LRRTM3: variants seen among roughly 807,000 people sequenced by gnomAD.
LRRTM3 encodes the protein leucine rich repeat transmembrane neuronal 3.
LRRTM3 carries 24 observed loss-of-function variants against 44.7 expected under a neutral mutation model. The ratio of observed to expected loss-of-function variants is 0.54; its 90% confidence interval spans 0.39 to 0.76. LRRTM3 has a LOEUF of 0.76. Among genes scored for constraint, LRRTM3 ranks in the 30% least tolerant of loss-of-function variants. The probability of loss-of-function intolerance (pLI) is 0.00; values close to 1 mark genes in which losing one functional copy is unlikely to be tolerated. For missense variants in LRRTM3, 587 were observed against 702.2 expected, an observed-to-expected ratio of 0.84 and a Z score of 1.85; for synonymous variants, 277 against 278.7, an observed-to-expected ratio of 0.99 and a Z score of 0.06.
chr10:67,065,162 T>C (rs1321384131), intron 2 of LRRTM3, among the ~76,000 whole-genome samples: 1 of 152,130 alleles, frequency 6.6e-6, no homozygotes, highest in African/African-American at 2.4e-5. Flanking sequence ...ATAAACTGTA[T>C]GTATTTATTT....
At chr10:66,975,470 G>T (rs898126596) in intron 2 of LRRTM3, among the ~76,000 whole-genome samples, 1 of 152,132 alleles carries the variant, frequency 6.6e-6, no homozygotes, top group East Asian at 1.9e-4. Flanking sequence ...AGTTGGAAAG[G>T]TTTCCCTTTC....
Position 67,101,362 on chromosome 10 carries a change from TA to T in LRRTM3, c.*3570del, listed in dbSNP as rs1858327243. ...TCGGAGCTAATTGGGAAGACTTACA[TA>T]AAATTCTTTTTCTTTTTTTCTTTTG... On this transcript the variant is annotated 3_prime_UTR_variant, in exon 3 of 3. Transcript: ENST00000361320. 6.6e-6 allele frequency among the ~76,000 whole-genome samples: 1 copy of T among 151,794 alleles called. No homozygotes were observed. The highest frequency in any genetic ancestry group is 1.5e-5 in the Non-Finnish European group (1 of 67,802).
chr10:67,030,034 ATAAAAT>A (rs1375646161), intron 2 of LRRTM3, among the ~76,000 whole-genome samples: 1 of 152,244 alleles, frequency 6.6e-6, no homozygotes. Flanking sequence ...TGATAGGTAA[ATAAAAT>A]TAATTTTTTT....
intron 2 of LRRTM3, among the ~76,000 whole-genome samples, chr10:67,064,921 CAAG>C (rs1855980383): frequency 6.6e-6 from 1 of 152,060 alleles, no homozygotes; most frequent in Non-Finnish European, 1.5e-5. Context: ...TTATATGAGG[CAAG>C]AAGAACTTTC....
rs1847313037 is a variant in LRRTM3 at position 66,930,452 on chromosome 10, T to C, written c.1536+2000T>C. On this transcript the variant is annotated intron_variant, in intron 2 of 2. Transcript: ENST00000361320. ...GCATCAGTAAATACATATTCCATCT[T>C]AAAAAGAAATTTTCTTTGGCTAGCC... is the stretch of plus-strand genomic sequence containing the variant. Among the ~76,000 whole-genome samples the C allele has an allele frequency of 2.0e-5, 3 of 152,276 alleles. No homozygotes were observed. The South Asian group carries it at 6.2e-4, about 32-fold the overall frequency.
chr10:67,079,445 A>G (rs1005488075), intron 2 of LRRTM3, among the ~76,000 whole-genome samples: 1 of 152,220 alleles, frequency 6.6e-6, no homozygotes, highest in African/African-American at 2.4e-5. Flanking sequence ...GAAAACCCCA[A>G]TAAAGCCAAT....
chr10:67,052,338 C>A (rs1424072693), intron 2 of LRRTM3, among the ~76,000 whole-genome samples: 1 of 151,556 alleles, frequency 6.6e-6, no homozygotes, highest in African/African-American at 2.4e-5. Flanking sequence ...CTCTCTCTCT[C>A]TCTCTCTCTC....
intron 2 of LRRTM3, among the ~76,000 whole-genome samples, chr10:66,943,795 T>G (rs1271927240): frequency 6.6e-6 from 1 of 152,182 alleles, no homozygotes; most frequent in African/African-American, 2.4e-5. Context: ...TTTTTTGGTT[T>G]CCTAGTGAAT....
Position 66,942,505 on chromosome 10 carries a change from G to C in LRRTM3, c.1536+14053G>C, listed in dbSNP as rs576927908. ...TTCATAAACATTACTTGAGGAATTA[G>C]TTCCATTATCCTACAAATCTCTCTT... On this transcript the variant is annotated intron_variant, in intron 2 of 2. Transcript: ENST00000361320. Among the ~76,000 whole-genome samples the C allele has an allele frequency of 7.3e-5, 11 of 151,352 alleles. No individual in the cohort carries two copies. The East Asian group carries it at 9.7e-4, about 13-fold the overall frequency.
Position 67,055,239 on chromosome 10 carries a change from A to G in LRRTM3, c.1537-42348A>G, listed in dbSNP as rs184145717. Among the ~76,000 whole-genome samples, 451 of 152,292 alleles carry G rather than the reference A, an allele frequency of 3.0e-3. 4 individuals are homozygous for G. Among genetic ancestry groups the G allele is most frequent in the Non-Finnish European group, 2.5e-3 (173 of 68,012 alleles). Reference sequence around the variant, plus strand: ...CACATGGAACATAAGTTTGTTTTTTATCCCTTCCATAGGTGTCACCATTAG... The same window carrying G: ...CACATGGAACATAAGTTTGTTTTTTGTCCCTTCCATAGGTGTCACCATTAG... On this transcript the variant is annotated intron_variant, in intron 2 of 2. Transcript: ENST00000361320.
intron 2 of LRRTM3, among the ~76,000 whole-genome samples, chr10:67,055,787 T>C (rs1191592506): frequency 6.6e-6 from 1 of 152,094 alleles, no homozygotes; most frequent in Non-Finnish European, 1.5e-5. Context: ...TTAAAAGCCA[T>C]AAGGATATCA....
At position 67,101,475 on chromosome 10, in the gene LRRTM3, T is replaced by C. The variant is rs948689962; in HGVS notation, c.*3679T>C. On this transcript the variant is annotated 3_prime_UTR_variant, in exon 3 of 3. Transcript: ENST00000361320. ...CCATTTTCTTATAAGAAAAATAAAATATAATTTATCCAAATTGATGTATAG... is the reference window on the plus strand; with the variant it reads ...CCATTTTCTTATAAGAAAAATAAAACATAATTTATCCAAATTGATGTATAG... 2.6e-5 allele frequency among the ~76,000 whole-genome samples: 4 copies of C among 151,734 alleles called. No individual in the cohort carries two copies. Among genetic ancestry groups the C allele is most frequent in the African/African-American group, 7.3e-5 (3 of 41,372 alleles).
chr10:66,955,549 C>T (rs191647712), intron 2 of LRRTM3, among the ~76,000 whole-genome samples: 2 of 152,236 alleles, frequency 1.3e-5, no homozygotes, highest in East Asian at 3.9e-4. Flanking sequence ...ACATTAATTC[C>T]AGTTTTCCTC....
At position 67,043,299 on chromosome 10, in the gene LRRTM3, C is replaced by T. The variant is rs369275425; in HGVS notation, c.1537-54288C>T. 2.0e-5 allele frequency among the ~76,000 whole-genome samples: 3 copies of T among 151,984 alleles called. No individual in the cohort carries two copies. The East Asian group carries it at 5.8e-4, about 29-fold the overall frequency. On this transcript the variant is annotated intron_variant, in intron 2 of 2. Coordinates refer to ENST00000361320, the MANE Select transcript of LRRTM3 (RefSeq NM_178011.5). The stretch of plus-strand genomic sequence containing the variant: ...GAGGGTTCTACATCATTCATATATT[C>T]TCTGATCACTAGAGATTTATTCTCC...
intron 2 of LRRTM3, among the ~76,000 whole-genome samples, chr10:66,973,289 C>A (rs1181080677): frequency 6.6e-6 from 1 of 152,006 alleles, no homozygotes; most frequent in African/African-American, 2.4e-5. Flanking sequence ...AGAAAATTGA[C>A]AATTAGAAGA....
At chr10:66,954,242 T>C (rs1848680377) in intron 2 of LRRTM3, among the ~76,000 whole-genome samples, 1 of 152,190 alleles carries the variant, frequency 6.6e-6, no homozygotes, top group South Asian at 2.1e-4. Flanking sequence ...AATGTAACCA[T>C]ATAGTATTTG....
chr10:67,033,193 A>G (rs557007998), intron 2 of LRRTM3, among the ~76,000 whole-genome samples: 1 of 152,296 alleles, frequency 6.6e-6, no homozygotes, highest in East Asian at 1.9e-4. Context: ...AGTCCTCTTG[A>G]ATTTTGAGCT....
rs144482255 is a variant in LRRTM3, at chr10:67,011,072, G to A, written c.1536+82620G>A. ...AGGCCAGGCGCGGTGGCTCACGCCT[G>A]TAATCCCAGCACTTTGGGAGGCCAA... On this transcript the variant is annotated intron_variant, in intron 2 of 2. Coordinates refer to ENST00000361320, the MANE Select transcript of LRRTM3 (RefSeq NM_178011.5). Among the ~76,000 whole-genome samples the A allele has an allele frequency of 5.8e-3, 883 of 152,270 alleles. 10 individuals carry two copies. The highest frequency in any genetic ancestry group is 0.02 in the African/African-American group (840 of 41,554).
intron 2 of LRRTM3, among the ~76,000 whole-genome samples, chr10:67,013,437 A>G (rs1852464122): frequency 6.6e-6 from 1 of 152,326 alleles, no homozygotes; most frequent in East Asian, 1.9e-4. Context: ...CAATAAGCAA[A>G]GCAGACAATT....
Sources: gnomAD v4.1 joint callset for allele counts (sites outside exome capture counted in the v4.1 genomes callset) on GRCh38, gnomAD v4.1.1 for gene constraint, MANE v1.5 for transcripts, NCBI Gene and HGNC (gene_info 2026-07-23, HGNC 2026-07-21) for gene names.